FBXW10B: variants seen among roughly 807,000 people sequenced by gnomAD.
The protein encoded by FBXW10B is F-box and WD repeat domain containing protein 10B.
chr17:15,612,807 C>T, the FBXW10B span: 13 of 1,613,750 alleles, frequency 8.1e-6, no homozygotes, highest in South Asian at 1.1e-5. Context: ...AGGATCAATT[C>T]CTCTTGTATA....
chr17:15,568,133 A>G, the FBXW10B span, among the ~76,000 whole-genome samples: 5 of 152,232 alleles, frequency 3.3e-5, no homozygotes, highest in African/African-American at 1.2e-4. Flanking sequence ...GCAGAGAGGT[A>G]AATAACATGG....
chr17:15,603,869 G>A, the FBXW10B span, among the ~76,000 whole-genome samples: 5 of 147,610 alleles, frequency 3.4e-5, no homozygotes, highest in Non-Finnish European at 7.4e-5. Flanking sequence ...TCAGGAGATC[G>A]AGACCATCCT....
At chr17:15,588,903 C>T in the FBXW10B span, 1 of 1,614,080 alleles carries the variant, frequency 6.2e-7, no homozygotes, top group African/African-American at 1.3e-5. Flanking sequence ...CAGGAGTTGC[C>T]ATTCTGACCT....
At chr17:15,617,162 T>C in the FBXW10B span, among the ~76,000 whole-genome samples, 1 of 152,204 alleles carries the variant, frequency 6.6e-6, no homozygotes, top group African/African-American at 2.4e-5. Context: ...ATTCACTGTG[T>C]CTTCATTCTA....
the FBXW10B span, among the ~76,000 whole-genome samples, chr17:15,587,964 A>C: frequency 6.6e-6 from 1 of 152,220 alleles, no homozygotes; most frequent in East Asian, 1.9e-4. Context: ...TAGGTTTCTC[A>C]AGAAAGAATA....
the FBXW10B span, chr17:15,594,840 C>A: frequency 6.2e-7 from 1 of 1,614,072 alleles, no homozygotes; most frequent in Non-Finnish European, 8.5e-7. Context: ...AGAGGAGATG[C>A]CACTGGTCAA....
At chr17:15,609,024 G>A in the FBXW10B span, among the ~76,000 whole-genome samples, 1 of 147,784 alleles carries the variant, frequency 6.8e-6, no homozygotes, top group South Asian at 2.3e-4. Context: ...ACACCTTCTG[G>A]CATTCCAGAC....
At chr17:15,569,679 C>G in the FBXW10B span, among the ~76,000 whole-genome samples, 1 of 151,704 alleles carries the variant, frequency 6.6e-6, no homozygotes, top group African/African-American at 2.4e-5. Flanking sequence ...AAGCGTTTCT[C>G]CTGCCTCGGC....
At chr17:15,619,211 A>G in the FBXW10B span, 1 of 1,613,930 alleles carries the variant, frequency 6.2e-7, no homozygotes, top group Non-Finnish European at 8.5e-7. Flanking sequence ...GGACTTCACA[A>G]CTTTCCCCTC....
At chr17:15,609,852 CTTTTTT>C in the FBXW10B span, among the ~76,000 whole-genome samples, 5 of 103,190 alleles carry the variant, frequency 4.8e-5, no homozygotes, top group Non-Finnish European at 7.4e-5. Flanking sequence ...TTCTTTCTTT[CTTTTTT>C]TTTTTTTTTT....
chr17:15,582,039 A>C, the FBXW10B span, among the ~76,000 whole-genome samples: 1 of 152,170 alleles, frequency 6.6e-6, no homozygotes, highest in Non-Finnish European at 1.5e-5. Context: ...TTCACAAAAA[A>C]TTTAAATATT....
the FBXW10B span, among the ~76,000 whole-genome samples, chr17:15,612,383 G>A: frequency 1.8e-4 from 27 of 151,988 alleles, no homozygotes; most frequent in Non-Finnish European, 3.5e-4. Context: ...GCTTGGTGGC[G>A]GGCTCCTGTA....
chr17:15,613,587 A>G, the FBXW10B span: 1 of 1,533,836 alleles, frequency 6.5e-7, no homozygotes, highest in Non-Finnish European at 8.8e-7. Context: ...GGTCTCAGAC[A>G]TTCCCCTTTC....
the FBXW10B span, among the ~76,000 whole-genome samples, chr17:15,611,910 C>G: frequency 1.3e-5 from 2 of 152,202 alleles, no homozygotes; most frequent in Non-Finnish European, 1.5e-5. Context: ...CTTTCCCCTT[C>G]CATCCTAGAG....
the FBXW10B span, chr17:15,593,227 A>C: frequency 6.4e-7 from 1 of 1,552,464 alleles, no homozygotes; most frequent in African/African-American, 1.4e-5. Flanking sequence ...GAGGCATTGC[A>C]CACTCTCTCC....
At chr17:15,595,854 A>G in the FBXW10B span, among the ~76,000 whole-genome samples, 1 of 151,842 alleles carries the variant, frequency 6.6e-6, no homozygotes, top group African/African-American at 2.4e-5. Flanking sequence ...TTCATCCCCC[A>G]GTGTTTTCTT....
chr17:15,614,804 T>C, the FBXW10B span, among the ~76,000 whole-genome samples: 1 of 152,170 alleles, frequency 6.6e-6, no homozygotes, highest in Non-Finnish European at 1.5e-5. Flanking sequence ...TCCTACGATA[T>C]TGTGTTTCCG....
At chr17:15,609,666 G>A in the FBXW10B span, among the ~76,000 whole-genome samples, 3 of 152,084 alleles carry the variant, frequency 2.0e-5, no homozygotes, top group Non-Finnish European at 2.9e-5. Context: ...AGTAAATGCT[G>A]TATGCAGAGC....
chr17:15,601,513 T>C, the FBXW10B span, among the ~76,000 whole-genome samples: 1 of 151,986 alleles, frequency 6.6e-6, no homozygotes, highest in South Asian at 2.1e-4. Context: ...CAAGATCAAT[T>C]TACAAAAATC....
Sources: allele counts gnomAD v4.1 joint callset (sites outside exome capture counted in the v4.1 genomes callset), GRCh38; gene constraint gnomAD v4.1.1; transcripts MANE v1.5; gene names NCBI Gene and HGNC (gene_info 2026-07-23, HGNC 2026-07-21).